The following SUPT3H variants were observed in gnomAD, a reference collection of about 807,000 sequenced individuals.
SUPT3H encodes SPT3 homolog, SAGA and STAGA complex component, also known as transcription initiation protein SPT3 homolog.
In SUPT3H, 44 loss-of-function variants were observed where a neutral mutation model predicts 44.3. The ratio of observed to expected loss-of-function variants is 0.99; its 90% CI spans 0.78 to 1.28. The LOEUF (loss-of-function observed/expected upper bound fraction) is 1.28, where lower values mean the gene tolerates loss of function less well. SUPT3H is among the 50% of genes most tolerant of loss of function. The pLI, the probability that SUPT3H is intolerant of heterozygous loss-of-function variation, is 0.00. For missense variants in SUPT3H, 380 were observed against 387.1 expected, an observed-to-expected ratio of 0.98 and a Z score of 0.15; for synonymous variants, 124 against 125.6, an observed-to-expected ratio of 0.99 and a Z score of 0.09.
chr6:44,998,713 T>C (rs540833990), intron 6 of SUPT3H, among the ~76,000 whole-genome samples: 51 of 151,962 alleles, frequency 3.4e-4, no homozygotes, highest in Non-Finnish European at 4.7e-4. Context: ...TTCTTATATT[T>C]GCAAAGAATT....
chr6:45,103,674 C>A (rs1277920860), intron 3 of SUPT3H, among the ~76,000 whole-genome samples: 1 of 151,958 alleles, frequency 6.6e-6, no homozygotes, highest in African/African-American at 2.4e-5. Flanking sequence ...ACACTAAAGG[C>A]CCTGAAAGTC....
rs1767504762 is a variant in SUPT3H at position 45,229,213 on chromosome 6, A to G, written c.102-123207T>C. Among the ~76,000 whole-genome samples the G allele has an allele frequency of 2.6e-5, 4 of 151,942 alleles. No homozygotes were observed. The South Asian group carries it at 8.3e-4, about 32-fold the overall frequency. On this transcript the variant is annotated intron_variant, in intron 2 of 10. Transcript: ENST00000371459. The stretch of plus-strand genomic sequence containing the variant: ...TTTTTAATTTTATTTTTTAATTTTA[A>G]TTTTTTATTATTGCAGTAACCATTT...
rs187857715 is a variant in SUPT3H, at chr6:44,884,983, G to T, written c.912+47670C>A. On this transcript the variant is annotated intron_variant, in intron 10 of 10. Transcript: ENST00000371459. ...ATTATATCCTGCACCTGGCTCGGAG[G>T]GTCCTACGCCCACGGAGTCTGGCTG... Among the ~76,000 whole-genome samples the T allele has an allele frequency of 8.5e-5, 13 of 152,304 alleles. No individual in the cohort carries two copies. In the East Asian group the frequency reaches 2.1e-3, roughly 25 times the overall value.
intron 10 of SUPT3H, among the ~76,000 whole-genome samples, chr6:44,896,258 A>C (rs1764115976): frequency 6.6e-6 from 1 of 152,316 alleles, no homozygotes; most frequent in South Asian, 2.1e-4. Flanking sequence ...GTAACCTCAG[A>C]AAACTTAAGT....
At chr6:45,094,357 T>C (rs1360544903) in intron 3 of SUPT3H, among the ~76,000 whole-genome samples, 1 of 152,114 alleles carries the variant, frequency 6.6e-6, no homozygotes, top group Non-Finnish European at 1.5e-5. Context: ...GAAGATGCTA[T>C]TTTATATCTA....
intron 2 of SUPT3H, among the ~76,000 whole-genome samples, chr6:45,301,537 C>T (rs1782143231): frequency 6.6e-6 from 1 of 152,096 alleles, no homozygotes; most frequent in African/African-American, 2.4e-5. Flanking sequence ...CCTTTGCCAT[C>T]AGTTCTCCCT....
At chr6:44,838,091 A>G (rs1770251456) in intron 10 of SUPT3H, among the ~76,000 whole-genome samples, 1 of 152,246 alleles carries the variant, frequency 6.6e-6, no homozygotes, top group Non-Finnish European at 1.5e-5. Context: ...TTCTTTAAAG[A>G]CAATAAATAA....
chr6:44,910,296 A>C (rs966691733), intron 10 of SUPT3H, among the ~76,000 whole-genome samples: 5 of 152,188 alleles, frequency 3.3e-5, no homozygotes, highest in Admixed American at 3.3e-4. Context: ...TCATGCCTTC[A>C]TTCCCAGTCT....
chr6:44,821,852 A>G (rs781343303), downstream of SUPT3H, among the ~76,000 whole-genome samples: 3 of 152,206 alleles, frequency 2.0e-5, no homozygotes, highest in Non-Finnish European at 2.9e-5. Context: ...GGCAATTATG[A>G]TAAAGTACAG....
At chr6:45,186,912 T>C (rs1237957979) in intron 2 of SUPT3H, among the ~76,000 whole-genome samples, 1 of 151,528 alleles carries the variant, frequency 6.6e-6, no homozygotes, top group African/African-American at 2.4e-5. Flanking sequence ...TACCATTAGG[T>C]CATACTTTTT....
intron 2 of SUPT3H, among the ~76,000 whole-genome samples, chr6:45,317,342 A>G (rs746711299): frequency 5.9e-5 from 9 of 152,086 alleles, no homozygotes; most frequent in Non-Finnish European, 1.3e-4. Flanking sequence ...AAACAGAAAA[A>G]AAATCCTAAA....
chr6:45,349,072 G>A (rs1295136237), intron 2 of SUPT3H, among the ~76,000 whole-genome samples: 4 of 152,198 alleles, frequency 2.6e-5, no homozygotes, highest in Middle Eastern at 6.8e-3. Flanking sequence ...CTGTCATTAC[G>A]TAAATCAGTG....
intron 6 of SUPT3H, among the ~76,000 whole-genome samples, chr6:44,971,312 T>C (rs990726590): frequency 1.3e-5 from 2 of 152,162 alleles, no homozygotes; most frequent in African/African-American, 4.8e-5. Flanking sequence ...TGGATTGCTC[T>C]ATTAGTTTGT....
At chr6:45,311,241 A>G (rs1055461356) in intron 2 of SUPT3H, among the ~76,000 whole-genome samples, 3 of 152,224 alleles carry the variant, frequency 2.0e-5, no homozygotes, top group African/African-American at 7.2e-5. Flanking sequence ...AAACAGAATA[A>G]TATGAACAAA....
chr6:45,346,364 T>C (rs1244025302), intron 2 of SUPT3H, among the ~76,000 whole-genome samples: 1 of 151,974 alleles, frequency 6.6e-6, no homozygotes, highest in Non-Finnish European at 1.5e-5. Context: ...CGAAGAAGGG[T>C]GAGAGGGTAG....
intron 2 of SUPT3H, among the ~76,000 whole-genome samples, chr6:45,296,738 CAAAAAAAAAAAA>C (rs60921436): frequency 6.7e-5 from 2 of 29,702 alleles, no homozygotes; most frequent in Non-Finnish European, 1.3e-4. Context: ...GACTCTGTCT[CAAAAAAAAAAAA>C]AAAAAAAAAA....
chr6:44,860,770 CTA>C (rs1395399033), intron 10 of SUPT3H, among the ~76,000 whole-genome samples: 1 of 152,058 alleles, frequency 6.6e-6, no homozygotes, highest in Admixed American at 6.5e-5. Flanking sequence ...AGCAAAGAAA[CTA>C]TATGGACTAG....
Position 45,135,222 on chromosome 6 carries a change from A to G in SUPT3H, c.102-29216T>C, listed in dbSNP as rs990534402. Among the ~76,000 whole-genome samples the G allele has an allele frequency of 3.3e-5, 5 of 152,178 alleles. No individual in the cohort carries two copies. In the East Asian group the frequency reaches 5.8e-4, roughly 18 times the overall value. ...GCCCTCAGAGTCTTAGCTTGCCTCA[A>G]AGGTCTCTAAAAGGCCTTTGGGGTC... On this transcript the variant is annotated intron_variant, in intron 2 of 10. Coordinates refer to ENST00000371459, the MANE Select transcript of SUPT3H (RefSeq NM_003599.4).
In SUPT3H at chr6:45,361,405, C is replaced by G. The variant is rs1477148587; in HGVS notation, c.101+3796G>C. Among the ~76,000 whole-genome samples the G allele has an allele frequency of 2.0e-5, 3 of 151,944 alleles. No homozygotes were observed. The East Asian group carries it at 5.8e-4, about 29-fold the overall frequency. On this transcript the variant is annotated intron_variant, in intron 2 of 10. Transcript: ENST00000371459. Reference sequence around the variant, plus strand: ...CATCATTATCATCAGGCCTGTAACTCTGAAAAAGTACATGACAAGGCAAGA... The same window carrying G: ...CATCATTATCATCAGGCCTGTAACTGTGAAAAAGTACATGACAAGGCAAGA...
Sources: gnomAD v4.1 joint callset for allele counts (sites outside exome capture counted in the v4.1 genomes callset) on GRCh38, gnomAD v4.1.1 for gene constraint, MANE v1.5 for transcripts, NCBI Gene and HGNC (gene_info 2026-07-23, HGNC 2026-07-21) for gene names.